Variants in CSMD1 observed in about 807,000 individuals in gnomAD.
The protein encoded by CSMD1 is CUB and Sushi multiple domains 1.
In CSMD1, 213 loss-of-function variants were observed where a neutral mutation model predicts 417.5. That is an observed-to-expected ratio of 0.51 (90% confidence interval 0.46 to 0.57). The LOEUF (loss-of-function observed/expected upper bound fraction) is 0.57. Ranked by LOEUF, CSMD1 falls within the 20% of genes least tolerant of loss-of-function variation. The pLI is 0.00. For synonymous variants in CSMD1, 2,862 were observed against 1,736.8 expected, an observed-to-expected ratio of 1.65 and a Z score of -16.11; for missense variants, 6,923 against 4,529.7, an observed-to-expected ratio of 1.53 and a Z score of -15.17.
intron 49 of CSMD1, among the ~76,000 whole-genome samples, chr8:3,082,263 C>T (rs893719540): frequency 2.0e-5 from 3 of 152,188 alleles, no homozygotes; most frequent in Non-Finnish European, 4.4e-5. Flanking sequence ...CTTTCTAAAA[C>T]ACAGATGGGA....
intron 65 of CSMD1, among the ~76,000 whole-genome samples, chr8:2,953,972 G>C (rs1295962498): frequency 6.6e-6 from 1 of 152,256 alleles, no homozygotes; most frequent in East Asian, 1.9e-4. Context: ...CCGAAGGCAA[G>C]TTTGAATGAA....
intron 7 of CSMD1, among the ~76,000 whole-genome samples, chr8:3,671,560 CATATATATATATATATATATATATATAT>C (rs752837903): frequency 1.5e-4 from 1 of 6,524 alleles, no homozygotes; most frequent in African/African-American, 5.0e-4. Context: ...TATATATGAT[CATATATATATATATATATATATATATAT>C]ATATATGATT....
At position 4,470,890 on chromosome 8, in the gene CSMD1, CTT is replaced by C. The variant is rs376457213; in HGVS notation, c.303-50827_303-50826del. ...AAAACTGAATTATTTTTAAGTAACTCTTAATGTAAATGATTGTTTAGTATGAA... is the reference window on the plus strand; with the variant it reads ...AAAACTGAATTATTTTTAAGTAACTCAATGTAAATGATTGTTTAGTATGAA... On this transcript the variant is annotated intron_variant, in intron 2 of 69. Transcript: ENST00000635120. Among the ~76,000 whole-genome samples, 66 of 152,188 alleles carry C rather than the reference CTT, an allele frequency of 4.3e-4. 1 individual carries two copies. The highest frequency in any genetic ancestry group is 1.5e-3 in the South Asian group (7 of 4,824).
chr8:3,330,033 T>C (rs941009100), intron 23 of CSMD1, among the ~76,000 whole-genome samples: 4 of 152,154 alleles, frequency 2.6e-5, no homozygotes, highest in Non-Finnish European at 5.9e-5. Context: ...ATGGACTGTA[T>C]AAGAAGCTCA....
intron 10 of CSMD1, among the ~76,000 whole-genome samples, chr8:3,539,046 G>C (rs1009490065): frequency 6.6e-6 from 1 of 152,192 alleles, no homozygotes; most frequent in African/African-American, 2.4e-5. Flanking sequence ...AACACCCAGA[G>C]ATGGCCTCTC....
Position 4,339,623 on chromosome 8 carries a change from T to C in CSMD1, c.415+80330A>G, listed in dbSNP as rs111934980. Among the ~76,000 whole-genome samples, 300 of 152,256 alleles carry C rather than the reference T, an allele frequency of 2.0e-3. 2 individuals are homozygous for C. Among genetic ancestry groups the C allele is most frequent in the Non-Finnish European group, 3.5e-3 (237 of 67,994 alleles). On this transcript the variant is annotated intron_variant, in intron 3 of 69. Coordinates refer to ENST00000635120, the MANE Select transcript of CSMD1 (RefSeq NM_033225.6). ...GGTGGGAAATCGCTCAATGATTACC[T>C]GCCCACATAGGAAAACATTCATCAG...
rs181558343 is a variant in CSMD1 at position 4,853,603 on chromosome 8, G to A, written c.85+140729C>T. ...CCCACACAGATATTTGAATAGGGCA[G>A]TGCCAAAGGGAAATGTGGCATTGGA... On this transcript the variant is annotated intron_variant, in intron 1 of 69. Transcript: ENST00000635120. 5.3e-5 allele frequency among the ~76,000 whole-genome samples: 8 copies of A among 152,346 alleles called. No individual in the cohort carries two copies. In the East Asian group the frequency reaches 1.5e-3, roughly 29 times the overall value.
rs1479141182 is a variant in CSMD1, at chr8:3,307,929, A to T, written c.3824-108T>A. Reference sequence around the variant, plus strand: ...TTATGTCTGCATTATATACATAGAGAAAAAGAATCACCATCATCTCTCTCT... The same window carrying T: ...TTATGTCTGCATTATATACATAGAGTAAAAGAATCACCATCATCTCTCTCT... On this transcript the variant is annotated intron_variant, in intron 24 of 69. Coordinates refer to ENST00000635120, the MANE Select transcript of CSMD1 (RefSeq NM_033225.6). 5.9e-6 allele frequency: 7 copies of T among 1,194,278 alleles called. No homozygotes were observed. In the East Asian group the frequency reaches 1.5e-4, roughly 26 times the overall value. The allele number at this position is 1,194,278 out of a possible 1,614,324, so 74.0% of individuals were successfully genotyped here. A position where few individuals can be genotyped will look rare whatever the true frequency, so the allele number is the denominator to read the frequency against.
chr8:2,946,922 G>T (rs1802279886), intron 68 of CSMD1, among the ~76,000 whole-genome samples: 1 of 152,116 alleles, frequency 6.6e-6, no homozygotes. Flanking sequence ...CCATCCTTGT[G>T]GACATGAAGG....
chr8:3,877,487 G>A lies in CSMD1; in HGVS notation c.818+120416C>T, dbSNP rs556197606. 1.1e-3 allele frequency among the ~76,000 whole-genome samples: 173 copies of A among 152,260 alleles called. 1 individual carries two copies. The highest frequency in any genetic ancestry group is 3.4e-3 in the Middle Eastern group (1 of 294). On this transcript the variant is annotated intron_variant, in intron 5 of 69. Transcript: ENST00000635120. ...TACAGCTCTCTCAATTTGCTTCTAAGACGAGGGAGGAAATTTACTTATGGA... is the reference window on the plus strand; with the variant it reads ...TACAGCTCTCTCAATTTGCTTCTAAAACGAGGGAGGAAATTTACTTATGGA...
At chr8:4,030,683 A>T (rs1338138887) in intron 4 of CSMD1, among the ~76,000 whole-genome samples, 1 of 152,154 alleles carries the variant, frequency 6.6e-6, no homozygotes. Context: ...GCTTCTTGTT[A>T]CTTATACAAA....
chr8:3,542,639 G>A (rs1798488569), intron 10 of CSMD1, among the ~76,000 whole-genome samples: 1 of 152,160 alleles, frequency 6.6e-6, no homozygotes, highest in Admixed American at 6.5e-5. Flanking sequence ...TACATAGGAG[G>A]TAACACAGGA....
intron 5 of CSMD1, among the ~76,000 whole-genome samples, chr8:3,806,986 G>C (rs190149760): frequency 3.9e-5 from 6 of 152,114 alleles, no homozygotes; most frequent in African/African-American, 7.2e-5. Context: ...CTAGCTACTA[G>C]GTGCCAGATA....
intron 3 of CSMD1, among the ~76,000 whole-genome samples, chr8:4,216,553 C>A (rs1800682828): frequency 1.3e-5 from 2 of 152,168 alleles, no homozygotes; most frequent in South Asian, 2.1e-4. Flanking sequence ...AAGAACCCGG[C>A]CTGAGTCTGC....
rs1491483480 is a variant in CSMD1 at position 3,892,559 on chromosome 8, AAG to A, written c.818+105342_818+105343del. The stretch of plus-strand genomic sequence containing the variant: ...AAATAATAATAATAATAATAATAAT[AAG>A]ATTACTCTAAGTAAAACCAGTTAAA... On this transcript the variant is annotated intron_variant, in intron 5 of 69. Transcript: ENST00000635120. 7.2e-3 allele frequency among the ~76,000 whole-genome samples: 1,083 copies of A among 151,296 alleles called. 14 individuals carry two copies. Among genetic ancestry groups the A allele is most frequent in the African/African-American group, 0.025 (1,028 of 41,196 alleles).
chr8:4,234,593 G>A (rs1375470433), intron 3 of CSMD1, among the ~76,000 whole-genome samples: 2 of 152,132 alleles, frequency 1.3e-5, no homozygotes, highest in East Asian at 1.9e-4. Flanking sequence ...TTAATTGAGT[G>A]TTTGTATTTA....
chr8:3,061,598 C>G (rs1563294339), intron 49 of CSMD1, among the ~76,000 whole-genome samples: 1 of 152,226 alleles, frequency 6.6e-6, no homozygotes, highest in African/African-American at 2.4e-5. Flanking sequence ...ACATCTTGAG[C>G]TTACACGAAC....
intron 8 of CSMD1, among the ~76,000 whole-genome samples, chr8:3,595,197 T>A (rs983152829): frequency 2.0e-5 from 3 of 152,154 alleles, no homozygotes; most frequent in Non-Finnish European, 2.9e-5. Context: ...ACGATCCTAA[T>A]AAGCAAGACC....
intron 3 of CSMD1, among the ~76,000 whole-genome samples, chr8:4,268,010 G>C (rs1025170387): frequency 2.6e-5 from 4 of 152,018 alleles, no homozygotes; most frequent in African/African-American, 7.2e-5. Flanking sequence ...GAGCAGATAG[G>C]AATAAGACAT....
Sources: allele counts gnomAD v4.1 joint callset (sites outside exome capture counted in the v4.1 genomes callset), GRCh38; gene constraint gnomAD v4.1.1; transcripts MANE v1.5; gene names NCBI Gene and HGNC (gene_info 2026-07-23, HGNC 2026-07-21).